The following AP3B2 variants were observed in gnomAD, a reference collection of about 807,000 sequenced individuals.
The protein encoded by AP3B2 is adaptor related protein complex 3 subunit beta 2.
AP3B2 carries 50 observed loss-of-function variants against 126.9 expected under a neutral mutation model. The observed-to-expected ratio is 0.39, with a 90% confidence interval of 0.31 to 0.50. The LOEUF (loss-of-function observed/expected upper bound fraction) is 0.50, where lower values mean the gene tolerates loss of function less well. Among genes scored for constraint, AP3B2 ranks in the 20% least tolerant of loss-of-function variants. The pLI, the probability that AP3B2 is intolerant of heterozygous loss-of-function variation, is 0.79. For missense variants in AP3B2, 1,177 were observed against 1,426.4 expected (o/e 0.83, Z 2.82); for synonymous variants, 541 against 565.0 (o/e 0.96, Z 0.60).
At chr15:82,694,157 C>A (rs189218438) in intron 1 of AP3B2, among the ~76,000 whole-genome samples, 340 of 151,928 alleles carry the variant, frequency 2.2e-3, no homozygotes, top group Non-Finnish European at 3.6e-3. Flanking sequence ...GTGTGCACCA[C>A]CATGCCTGGC....
At chr15:82,688,224 T>G (rs1312752215) in intron 4 of AP3B2, 6 of 575,916 alleles carry the variant, frequency 1.0e-5, no homozygotes, top group African/African-American at 1.9e-5. Context: ...TCAAGATGTC[T>G]TAGACTAACC....
In AP3B2 at chr15:82,681,437, G is replaced by A. The variant is rs377122592; in HGVS notation, c.504C>T (p.Ala168=). 1.0e-4 allele frequency: 167 copies of A among 1,613,820 alleles called. No individual in the cohort carries two copies. The highest frequency in any genetic ancestry group is 1.3e-4 in the Non-Finnish European group (152 of 1,179,864). Residue 168 remains alanine (A), a synonymous_variant, in exon 5 of 27, where the codon GCC becomes GCT. Coordinates refer to ENST00000535359, the MANE Select transcript of AP3B2 (RefSeq NM_001278512.2). The surrounding 1 kb of genome is among the most constrained non-coding windows in gnomAD (Gnocchi z 4.0). The part of the protein sequence containing the change: ...SPYVRKTAAH[A]IPKLYSLDSD... Reference sequence around the variant, plus strand: ...GGGCATACCTGTAGAGTTTAGGGATGGCGTGGGCAGCTGTTTTCCGCACAT... The same window carrying A: ...GGGCATACCTGTAGAGTTTAGGGATAGCGTGGGCAGCTGTTTTCCGCACAT...
chr15:82,664,535 C>T lies in AP3B2; in HGVS notation c.2138-45G>A. 1 of 1,582,722 alleles carries T rather than the reference C, an allele frequency of 6.3e-7. No individual in the cohort carries two copies. Among genetic ancestry groups the T allele is most frequent in the South Asian group, 1.1e-5 (1 of 87,382 alleles). ...GGCCTCCTCCCTCATATGCAGGCCT[C>T]CTTGGGTCTGGAGCAGACACCTGGG... On this transcript the variant is annotated intron_variant, in intron 18 of 26. Transcript: ENST00000535359. This position sits in a 1 kb window ranked among gnomAD's most constrained non-coding sequence, Gnocchi z 4.5.
intron 13 of AP3B2, among the ~76,000 whole-genome samples, chr15:82,676,851 A>G (rs1445747976): frequency 2.0e-5 from 3 of 152,234 alleles, no homozygotes. Context: ...CTTCATTAGC[A>G]TAGAGCTTTC....
At chr15:82,675,220 A>G (rs1377239985) in intron 14 of AP3B2, among the ~76,000 whole-genome samples, 1 of 152,174 alleles carries the variant, frequency 6.6e-6, no homozygotes, top group Non-Finnish European at 1.5e-5. Context: ...TCAGGGTCAC[A>G]TGGTCCAGTG....
chr15:82,666,774 C>G lies in AP3B2; in HGVS notation c.1825G>C (p.Ala609Pro). Residue 609 changes from alanine (A) to proline (P), a missense_variant, in exon 15 of 27, where the codon GCT becomes CCT. This residue lies in a region of AP3B2 where 308 missense variants were observed against 452.4 expected (regional missense o/e 0.68). Transcript: ENST00000535359. ...TTGAAGGATGACTCCAAGACTGGAG[C>G]TGGTTTGGGTGCCAGGAAGAGCTTC... The part of the protein sequence containing the change: ...AKKLFLAPKP[A>P]PVLESSFKDR... The G allele has an allele frequency of 6.2e-7, 1 of 1,613,944 alleles. No homozygotes were observed. The highest frequency in any genetic ancestry group is 2.2e-5 in the East Asian group (1 of 44,872).
At chr15:82,706,604 C>A (rs1030022151) in intron 1 of AP3B2, among the ~76,000 whole-genome samples, 33 of 152,132 alleles carry the variant, frequency 2.2e-4, no homozygotes, top group Admixed American at 1.5e-3. Context: ...TTTTCTCCTT[C>A]TCATCAGTCA....
chr15:82,663,866 CTG>C lies in AP3B2; in HGVS notation c.2369_2370del (p.Ser790Ter). 1 of 1,613,956 alleles carries C rather than the reference CTG, an allele frequency of 6.2e-7. No individual in the cohort carries two copies. The highest frequency in any genetic ancestry group is 8.5e-7 in the Non-Finnish European group (1 of 1,179,878). ...DEGSDSSSSS[S>X]ESEMTSESEE... ...TCGGACTCCGATGTCATCTCGGACT[CTG>C]ATGAGCTACTGCTGGAATCGCTGCC... On this transcript the variant is annotated frameshift_variant, in exon 20 of 27. Coordinates refer to ENST00000535359, the MANE Select transcript of AP3B2 (RefSeq NM_001278512.2). LOFTEE classifies it high-confidence loss of function.
chr15:82,694,451 T>C (rs1178715933), intron 1 of AP3B2, among the ~76,000 whole-genome samples: 2 of 152,030 alleles, frequency 1.3e-5, no homozygotes, highest in African/African-American at 4.8e-5. Context: ...TTTGGGAGAC[T>C]GAGGCAGAAG....
intron 4 of AP3B2, among the ~76,000 whole-genome samples, chr15:82,683,047 GTTT>G (rs61213011): frequency 3.0e-4 from 23 of 77,720 alleles, no homozygotes; most frequent in African/African-American, 5.3e-4. Context: ...TGCACCAGGA[GTTT>G]TTTTTTTTTT....
In AP3B2 at chr15:82,664,915, C is replaced by T; in HGVS notation, c.2057G>A (p.Arg686Gln). 5 of 1,608,820 alleles carry T rather than the reference C, an allele frequency of 3.1e-6. No individual in the cohort carries two copies. Among genetic ancestry groups the T allele is most frequent in the Non-Finnish European group, 4.2e-6 (5 of 1,177,692 alleles). ...TTTTTCCTTCTCCTTTCTCTTCTCC[C>T]GATTTGAGCACTTGGTCCATTCAGG... ...EVPEWTKCSN[R>Q]EKRKEKEKPF... The change falls in exon 18 of 27, where the codon CGG becomes CAG. Residue 686 changes from arginine (R) to glutamine (Q), a missense_variant. Physicochemically the swap from Arg to Gln is conservative, Grantham distance 43. Transcript: ENST00000535359. This position sits in a 1 kb window ranked among gnomAD's most constrained non-coding sequence, Gnocchi z 4.5.
In AP3B2 at chr15:82,665,015, C is replaced by A; in HGVS notation, c.2029-72G>T. 3 of 1,246,114 alleles carry A rather than the reference C, an allele frequency of 2.4e-6. No individual in the cohort carries two copies. The highest frequency in any genetic ancestry group is 3.4e-6 in the Non-Finnish European group (3 of 869,660). The allele number at this position is 1,246,114 out of a possible 1,614,324, so 77.2% of individuals were successfully genotyped here. A position where few individuals can be genotyped will look rare whatever the true frequency, so the allele number is the denominator to read the frequency against. On this transcript the variant is annotated intron_variant, in intron 17 of 26. Transcript: ENST00000535359. The surrounding 1 kb of genome is among the most constrained non-coding windows in gnomAD (Gnocchi z 4.4). The stretch of plus-strand genomic sequence containing the variant: ...GAAGGCAGGCAGGCACAAGCCCTTA[C>A]CCTTTATTCCACCTCTTTGTGAGGC...
Position 82,664,396 on chromosome 15 carries a change from C to T in AP3B2, c.2232G>A (p.Glu744=), listed in dbSNP as rs1297265139. 5 of 1,613,864 alleles carry T rather than the reference C, an allele frequency of 3.1e-6. No homozygotes were observed. Among genetic ancestry groups the T allele is most frequent in the Non-Finnish European group, 3.4e-6 (4 of 1,179,884 alleles). ...SSESDNEDQD[E]DEEKGRGSES... ...CACTGCCTCTCCCTTTCTCCTCATC[C>T]TCATCCTGGTCTTCATTGTCGGACT... is the stretch of plus-strand genomic sequence containing the variant. The change falls in exon 19 of 27, where the codon GAG becomes GAA. Residue 744 remains glutamate (E), a synonymous_variant. Coordinates refer to ENST00000535359, the MANE Select transcript of AP3B2 (RefSeq NM_001278512.2). This position sits in a 1 kb window ranked among gnomAD's most constrained non-coding sequence, Gnocchi z 4.5.
Position 82,665,001 on chromosome 15 carries a change from G to GGCAC in AP3B2, c.2029-62_2029-59dup. 7.4e-7 allele frequency: 1 copy of GGCAC among 1,345,884 alleles called. No individual in the cohort carries two copies. The highest frequency in any genetic ancestry group is 1.8e-4 in the Middle Eastern group (1 of 5,608). The allele number at this position is 1,345,884 out of a possible 1,614,324, so 83.4% of individuals were successfully genotyped here. On this transcript the variant is annotated intron_variant, in intron 17 of 26. Coordinates refer to ENST00000535359, the MANE Select transcript of AP3B2 (RefSeq NM_001278512.2). This position sits in a 1 kb window ranked among gnomAD's most constrained non-coding sequence, Gnocchi z 4.4. ...ATCATGGTTGGGGAGAAGGCAGGCA[G>GGCAC]GCACAAGCCCTTACCCTTTATTCCA... is the stretch of plus-strand genomic sequence containing the variant.
chr15:82,665,097 C>T lies in AP3B2; in HGVS notation c.2028+150G>A, dbSNP rs2048028372. 1 of 1,034,492 alleles carries T rather than the reference C, an allele frequency of 9.7e-7. No individual in the cohort carries two copies. Among genetic ancestry groups the T allele is most frequent in the African/African-American group, 1.6e-5 (1 of 63,268 alleles). 64.1% of individuals were successfully genotyped at this position (1,034,492 alleles called of 1,614,324 possible). ...AGAGGAGGAAGAAAGGGGCACTGTC[C>T]ATGGAGGGGAGGGAATGCTGCTCAC... On this transcript the variant is annotated intron_variant, in intron 17 of 26. Transcript: ENST00000535359. This position sits in a 1 kb window ranked among gnomAD's most constrained non-coding sequence, Gnocchi z 4.4.
chr15:82,688,555 G>A (rs1280926718), intron 4 of AP3B2, 181 bp downstream of exon 4: 11 of 712,426 alleles, frequency 1.5e-5, no homozygotes, highest in Non-Finnish European at 2.5e-5. Flanking sequence ...CCCCTTCTGA[G>A]CCCAGCTTCC....
chr15:82,678,080 CT>C, intron 11 of AP3B2, 24 bp downstream of exon 11: 1 of 1,612,406 alleles, frequency 6.2e-7, no homozygotes, highest in Non-Finnish European at 8.5e-7. Flanking sequence ...CTCCCAGGCC[CT>C]TCTGGCTGGG....
chr15:82,709,584 G>C lies in AP3B2; in HGVS notation c.113+10C>G. 3 of 1,487,860 alleles carry C rather than the reference G, an allele frequency of 2.0e-6. No homozygotes were observed. The highest frequency in any genetic ancestry group is 2.7e-6 in the Non-Finnish European group (3 of 1,117,528). The allele number at this position is 1,487,860 out of a possible 1,614,324, so 92.2% of individuals were successfully genotyped here. Reference sequence around the variant, plus strand: ...AACCCTCCCGCGAGCTTCCTGGCGGGCTCCCTCACCGCTTGTAGTCGGAGG... The same window carrying C: ...AACCCTCCCGCGAGCTTCCTGGCGGCCTCCCTCACCGCTTGTAGTCGGAGG... On this transcript the variant is annotated intron_variant, in intron 1 of 26. Transcript: ENST00000535359.
intron 1 of AP3B2, among the ~76,000 whole-genome samples, chr15:82,704,012 G>A (rs928090874): frequency 2.6e-5 from 4 of 152,040 alleles, no homozygotes; most frequent in African/African-American, 4.8e-5. Flanking sequence ...TTTGTTCTGC[G>A]ACTAGCCCTC....
Sources: allele counts gnomAD v4.1 joint callset (sites outside exome capture counted in the v4.1 genomes callset), GRCh38; gene constraint gnomAD v4.1.1; regional missense constraint gnomAD v4.1.1; non-coding constraint Gnocchi (gnomAD v3.1); transcripts MANE v1.5; gene names NCBI Gene and HGNC (gene_info 2026-07-23, HGNC 2026-07-21).